SYNPR: variants seen among roughly 807,000 people sequenced by gnomAD.
The protein encoded by SYNPR is synaptoporin.
A neutral mutation model predicts 32.9 loss-of-function variants in SYNPR; 23 were observed. The ratio of observed to expected loss-of-function variants is 0.70; its 90% CI spans 0.50 to 0.99. The LOEUF (loss-of-function observed/expected upper bound fraction) is 0.99. Ranked by LOEUF, SYNPR falls within the 50% of genes least tolerant of loss-of-function variation. The pLI is 0.00. For missense variants in SYNPR, 318 were observed against 349.3 expected, an observed-to-expected ratio of 0.91 and a Z score of 0.71; for synonymous variants, 146 against 135.9, an observed-to-expected ratio of 1.07 and a Z score of -0.52.
chr3:63,222,218 C>T, the SYNPR span, among the ~76,000 whole-genome samples: 1 of 151,466 alleles, frequency 6.6e-6, no homozygotes, highest in African/African-American at 2.4e-5. Context: ...CAGTGTACTG[C>T]AAAGCATCCA....
chr3:63,520,457 G>A (rs996288948), intron 3 of SYNPR, among the ~76,000 whole-genome samples: 3 of 151,972 alleles, frequency 2.0e-5, no homozygotes, highest in East Asian at 1.9e-4. Flanking sequence ...GGTGGATCAC[G>A]AGGTCAGGAG....
intron 3 of SYNPR, among the ~76,000 whole-genome samples, chr3:63,273,263 T>C (rs150344605): frequency 7.9e-5 from 12 of 152,276 alleles, no homozygotes; most frequent in African/African-American, 2.6e-4. Context: ...TCTTGGAAAG[T>C]TACGGGAGTA....
chr3:63,569,578 A>G (rs1024694194), intron 4 of SYNPR, among the ~76,000 whole-genome samples: 1 of 152,250 alleles, frequency 6.6e-6, no homozygotes, highest in Non-Finnish European at 1.5e-5. Context: ...CACAAATTAA[A>G]TTCAAGCTGT....
At position 63,392,425 on chromosome 3, in the gene SYNPR, C is replaced by G. The variant is rs542437954; in HGVS notation, c.85-88407C>G. Among the ~76,000 whole-genome samples the G allele has an allele frequency of 9.3e-4, 142 of 152,156 alleles. 1 individual carries two copies. The highest frequency in any genetic ancestry group is 1.6e-3 in the Non-Finnish European group (109 of 68,042). On this transcript the variant is annotated intron_variant, in intron 2 of 5. Coordinates refer to ENST00000478300, the MANE Select transcript of SYNPR (RefSeq NM_001130003.2). ...CTCTAAAATAAGGCTACTCATAATC[C>G]TTGACAGCTAGTGTGTGTGTGCATT...
intron 2 of SYNPR, among the ~76,000 whole-genome samples, chr3:63,295,230 C>A (rs959330978): frequency 6.6e-6 from 1 of 152,162 alleles, no homozygotes; most frequent in African/African-American, 2.4e-5. Flanking sequence ...TGTTAACATT[C>A]ATTGTATATT....
At chr3:63,224,713 G>T (rs2086115972), upstream of SYNPR, among the ~76,000 whole-genome samples, 1 of 152,302 alleles carries the variant, frequency 6.6e-6, no homozygotes, top group South Asian at 2.1e-4. Flanking sequence ...TATTCTCTAA[G>T]CTGGGAAGAA....
intron 1 of SYNPR, among the ~76,000 whole-genome samples, chr3:63,228,904 G>C (rs944312308): frequency 2.0e-5 from 3 of 151,750 alleles, no homozygotes; most frequent in African/African-American, 7.3e-5. Context: ...CCGCCATCTT[G>C]AAATGATGCT....
At chr3:63,265,277 A>C (rs1363266979) in intron 2 of SYNPR, among the ~76,000 whole-genome samples, 3 of 76,430 alleles carry the variant, frequency 3.9e-5, no homozygotes, top group Admixed American at 1.5e-4. Context: ...TCTGAGATGG[A>C]GTCTCAATCT....
chr3:63,543,788 C>T (rs1702348643), intron 3 of SYNPR, among the ~76,000 whole-genome samples: 1 of 152,104 alleles, frequency 6.6e-6, no homozygotes, highest in African/African-American at 2.4e-5. Flanking sequence ...GTCCCCTACC[C>T]TTCCTCAATG....
chr3:63,383,408 G>T (rs1404700639), intron 2 of SYNPR, among the ~76,000 whole-genome samples: 1 of 152,110 alleles, frequency 6.6e-6, no homozygotes, highest in Non-Finnish European at 1.5e-5. Context: ...TCCTGGAGCA[G>T]CATAGCAAAA....
At chr3:63,300,075 C>T (rs1262671947) in intron 2 of SYNPR, among the ~76,000 whole-genome samples, 1 of 152,038 alleles carries the variant, frequency 6.6e-6, no homozygotes, top group Non-Finnish European at 1.5e-5. Context: ...CACTATGGTA[C>T]TCAAGAGTGA....
intron 3 of SYNPR, among the ~76,000 whole-genome samples, chr3:63,539,288 T>C (rs981857164): frequency 1.3e-5 from 2 of 152,280 alleles, no homozygotes; most frequent in East Asian, 3.9e-4. Context: ...GTTATTTTTA[T>C]AAATAAACCC....
chr3:63,454,978 CA>C (rs907064800), intron 2 of SYNPR, among the ~76,000 whole-genome samples: 1 of 151,994 alleles, frequency 6.6e-6, no homozygotes, highest in African/African-American at 2.4e-5. Flanking sequence ...CGGAATTTTC[CA>C]AACTCAACTT....
intron 1 of SYNPR, among the ~76,000 whole-genome samples, chr3:63,239,669 C>T (rs1227641149): frequency 1.3e-5 from 2 of 151,738 alleles, no homozygotes; most frequent in African/African-American, 4.8e-5. Context: ...ACACACCCAC[C>T]TTACCATTGT....
In SYNPR at chr3:63,585,494, TAAC is replaced by T. The variant is rs539541941; in HGVS notation, c.409-23626_409-23624del. Among the ~76,000 whole-genome samples the T allele has an allele frequency of 4.4e-3, 638 of 146,232 alleles. 2 individuals are homozygous for T. The highest frequency in any genetic ancestry group is 0.018 in the Middle Eastern group (5 of 284). On this transcript the variant is annotated intron_variant, in intron 4 of 5. Coordinates refer to ENST00000478300, the MANE Select transcript of SYNPR (RefSeq NM_001130003.2). ...ACCCACCACACACACACACACCAAA[TAAC>T]AACACAACATTTTGGGGGGTTGCAC...
chr3:63,281,625 C>A (rs1292166579), intron 2 of SYNPR, among the ~76,000 whole-genome samples: 1 of 152,126 alleles, frequency 6.6e-6, no homozygotes, highest in Non-Finnish European at 1.5e-5. Flanking sequence ...CTTATAAGAA[C>A]ACTAATCCCA....
At chr3:63,217,939 A>C in the SYNPR span, among the ~76,000 whole-genome samples, 2 of 152,246 alleles carry the variant, frequency 1.3e-5, no homozygotes, top group Non-Finnish European at 2.9e-5. Flanking sequence ...TAGATACTTC[A>C]ATCCTTATGT....
At chr3:63,274,544 A>T (rs908378296), upstream of SYNPR, among the ~76,000 whole-genome samples, 1 of 152,316 alleles carries the variant, frequency 6.6e-6, no homozygotes, top group East Asian at 1.9e-4. Context: ...CTTGATTCTC[A>T]TTTGCTGATT....
chr3:63,250,013 T>C (rs1560168201), intron 1 of SYNPR, among the ~76,000 whole-genome samples: 1 of 152,072 alleles, frequency 6.6e-6, no homozygotes, highest in Non-Finnish European at 1.5e-5. Context: ...GGATTAAAAA[T>C]TCCCTGGCCC....
Sources: gnomAD v4.1 joint callset for allele counts (sites outside exome capture counted in the v4.1 genomes callset) on GRCh38, gnomAD v4.1.1 for gene constraint, MANE v1.5 for transcripts, NCBI Gene and HGNC (gene_info 2026-07-23, HGNC 2026-07-21) for gene names.